Variants in PTBP2 observed in about 807,000 individuals in gnomAD.
PTBP2 encodes the protein polypyrimidine tract-binding protein 2.
In PTBP2, 13 loss-of-function variants were observed where a neutral mutation model predicts 61.4. The ratio of observed to expected loss-of-function variants is 0.21; its 90% CI spans 0.14 to 0.34. PTBP2 has a LOEUF of 0.34. Ranked by LOEUF, PTBP2 falls within the 10% of genes least tolerant of loss-of-function variation. The pLI is 1.00. For synonymous variants in PTBP2, 215 were observed against 218.5 expected (o/e 0.98, Z 0.14); for missense variants, 405 against 642.6 (o/e 0.63, Z 4.00).
intron 7 of PTBP2, among the ~76,000 whole-genome samples, chr1:96,779,450 AG>A (rs1442662745): frequency 6.6e-6 from 1 of 152,112 alleles, no homozygotes; most frequent in Non-Finnish European, 1.5e-5. Flanking sequence ...ATAATTCTTA[AG>A]GGGAAAATTG....
At chr1:96,785,763 A>C (rs1344347175) in intron 8 of PTBP2, among the ~76,000 whole-genome samples, 1 of 152,184 alleles carries the variant, frequency 6.6e-6, no homozygotes, top group Non-Finnish European at 1.5e-5. Flanking sequence ...AAAACAATTT[A>C]AACTAGAAGA....
chr1:96,762,258 C>A (rs1378918837), intron 3 of PTBP2, among the ~76,000 whole-genome samples: 1 of 150,794 alleles, frequency 6.6e-6, no homozygotes, highest in Non-Finnish European at 1.5e-5. Flanking sequence ...ACCTCCCAGA[C>A]GGGGTGGTGG....
chr1:96,769,898 G>T, intron 4 of PTBP2, 23 bp downstream of exon 4: 3 of 1,549,836 alleles, frequency 1.9e-6, no homozygotes, highest in Non-Finnish European at 2.6e-6. Flanking sequence ...CAGGGTTTAT[G>T]AAATGTTAAA....
chr1:96,802,437 G>A (rs1661114055), intron 8 of PTBP2, among the ~76,000 whole-genome samples: 1 of 152,064 alleles, frequency 6.6e-6, no homozygotes, highest in Admixed American at 6.6e-5. Context: ...AAATGCTAGT[G>A]ATTAGAGTTT....
At chr1:96,810,141 A>T (rs755589172) in intron 11 of PTBP2, among the ~76,000 whole-genome samples, 39 of 152,152 alleles carry the variant, frequency 2.6e-4, no homozygotes, top group Non-Finnish European at 4.4e-4. Flanking sequence ...TTCGTTAATA[A>T]TCTCTTTCAT....
intron 3 of PTBP2, among the ~76,000 whole-genome samples, chr1:96,761,520 A>G (rs1156561850): frequency 1.4e-5 from 2 of 147,656 alleles, no homozygotes; most frequent in East Asian, 4.0e-4. Context: ...AAAGATACCA[A>G]GGTCCTGAAT....
intron 3 of PTBP2, among the ~76,000 whole-genome samples, chr1:96,757,970 A>G (rs1436501194): frequency 1.3e-5 from 2 of 152,092 alleles, no homozygotes; most frequent in East Asian, 1.9e-4. Flanking sequence ...TCCCAATTTA[A>G]GACTGACCAA....
chr1:96,746,010 G>A (rs1202426815), intron 2 of PTBP2, among the ~76,000 whole-genome samples: 2 of 151,154 alleles, frequency 1.3e-5, no homozygotes, highest in African/African-American at 4.9e-5. Flanking sequence ...AGGTTGCAGT[G>A]AGCTGAGACC....
At position 96,788,109 on chromosome 1, in the gene PTBP2, A is replaced by G. The variant is rs1377358446; in HGVS notation, c.904+2855A>G. ...AATTTGATAGGCAAATGCCTATTTT[A>G]ATTTCTGTTAAGATTTAGTTTACAA... is the stretch of plus-strand genomic sequence containing the variant. On this transcript the variant is annotated intron_variant, in intron 8 of 13. Transcript: ENST00000674951. Among the ~76,000 whole-genome samples, 3 of 152,058 alleles carry G rather than the reference A, an allele frequency of 2.0e-5. No homozygotes were observed. In the East Asian group the frequency reaches 5.8e-4, roughly 29 times the overall value.
intron 2 of PTBP2, among the ~76,000 whole-genome samples, chr1:96,750,492 G>A (rs1654402719): frequency 6.6e-6 from 1 of 151,286 alleles, no homozygotes; most frequent in Admixed American, 6.6e-5. Flanking sequence ...TCTCATATTT[G>A]TTGTAATACA....
intron 2 of PTBP2, among the ~76,000 whole-genome samples, chr1:96,735,131 T>G (rs1384178650): frequency 6.6e-6 from 1 of 152,076 alleles, no homozygotes; most frequent in African/African-American, 2.4e-5. Context: ...TTGGCCAGGC[T>G]GACTTGGAAC....
At chr1:96,788,935 A>G (rs1473548072) in intron 8 of PTBP2, among the ~76,000 whole-genome samples, 5 of 152,058 alleles carry the variant, frequency 3.3e-5, no homozygotes, top group Non-Finnish European at 7.4e-5. Flanking sequence ...CTGACATCTA[A>G]AATACATAAT....
chr1:96,810,388 T>A (rs1000846563), intron 11 of PTBP2, among the ~76,000 whole-genome samples: 1 of 152,164 alleles, frequency 6.6e-6, no homozygotes, highest in Non-Finnish European at 1.5e-5. Context: ...TGACAAAGCT[T>A]TTGTTTTCTT....
chr1:96,751,402 C>G (rs1272113336), intron 2 of PTBP2, 23 bp from the exon 3 acceptor site: 4 of 1,567,588 alleles, frequency 2.6e-6, no homozygotes, highest in African/African-American at 2.7e-5. Flanking sequence ...ATGTCTTATG[C>G]TAATTTGTTT....
rs1356132749 is a variant in PTBP2 at position 96,721,854 on chromosome 1, C to G, written c.-11C>G. 1.3e-6 allele frequency: 2 copies of G among 1,569,872 alleles called. No homozygotes were observed. Among genetic ancestry groups the G allele is most frequent in the Non-Finnish European group, 1.7e-6 (2 of 1,157,596 alleles). The stretch of plus-strand genomic sequence containing the variant: ...TCGGTTCTTGTGAGCGAAGCTTTGT[C>G]CGGTTCGGCAATGGACGGGTATGTA... On this transcript the variant is annotated 5_prime_UTR_variant, in exon 1 of 14. Coordinates refer to ENST00000674951, the MANE Select transcript of PTBP2 (RefSeq NM_021190.4).
At chr1:96,758,581 T>C (rs772756627) in intron 3 of PTBP2, among the ~76,000 whole-genome samples, 1 of 152,082 alleles carries the variant, frequency 6.6e-6, no homozygotes, top group Non-Finnish European at 1.5e-5. Context: ...GTTTAACATT[T>C]GAAAATGAAC....
At chr1:96,763,791 C>T (rs1464352024) in intron 3 of PTBP2, among the ~76,000 whole-genome samples, 3 of 152,092 alleles carry the variant, frequency 2.0e-5, no homozygotes, top group Non-Finnish European at 2.9e-5. Flanking sequence ...AGAGGAAATA[C>T]TGAGTTTTAA....
At chr1:96,771,612 A>G in intron 5 of PTBP2, 1 of 152,206 alleles carries the variant, frequency 6.6e-6, no homozygotes, top group East Asian at 1.9e-4. Flanking sequence ...TTTTAATTTG[A>G]TGATGAGTTT....
At chr1:96,771,502 A>AT (rs765351915) in intron 5 of PTBP2, 1 of 151,952 alleles carries the variant, frequency 6.6e-6, no homozygotes, top group Non-Finnish European at 1.5e-5. Context: ...TTCCTCATAG[A>AT]TTTTTGTCAC....
Sources: gnomAD v4.1 joint callset for allele counts (sites outside exome capture counted in the v4.1 genomes callset) on GRCh38, gnomAD v4.1.1 for gene constraint, MANE v1.5 for transcripts, NCBI Gene and HGNC (gene_info 2026-07-23, HGNC 2026-07-21) for gene names.